Variants in ZNF385D observed in about 807,000 individuals in gnomAD.
The protein encoded by ZNF385D is zinc finger protein 659.
Under a neutral mutation model 35.8 loss-of-function variants are expected in ZNF385D, and 15 were observed. The ratio of observed to expected loss-of-function variants is 0.42; its 90% confidence interval spans 0.28 to 0.64. The LOEUF is 0.64. ZNF385D is among the 30% of genes least tolerant of loss of function. The pLI is 0.23. For synonymous variants in ZNF385D, 212 were observed against 186.8 expected, an observed-to-expected ratio of 1.13 and a Z score of -1.10; for missense variants, 474 against 494.6, an observed-to-expected ratio of 0.96 and a Z score of 0.39.
At chr3:21,484,342 G>A (rs1704866094) in intron 4 of ZNF385D, among the ~76,000 whole-genome samples, 1 of 152,118 alleles carries the variant, frequency 6.6e-6, no homozygotes, top group Non-Finnish European at 1.5e-5. Flanking sequence ...ACTGCTTTAG[G>A]GGTGTGTTGA....
At chr3:21,596,228 G>GAGTC (rs746554103) in intron 2 of ZNF385D, among the ~76,000 whole-genome samples, 2 of 152,154 alleles carry the variant, frequency 1.3e-5, no homozygotes, top group Non-Finnish European at 2.9e-5. Flanking sequence ...GGATTAATTT[G>GAGTC]AGTCAGAAGC....
At chr3:21,971,168 A>C (rs1215870185) in intron 3 of ZNF385D, among the ~76,000 whole-genome samples, 1 of 152,098 alleles carries the variant, frequency 6.6e-6, no homozygotes, top group African/African-American at 2.4e-5. Flanking sequence ...AAAAAACACA[A>C]TATTATAACA....
intron 2 of ZNF385D, among the ~76,000 whole-genome samples, chr3:22,174,389 T>C (rs1251180783): frequency 6.6e-6 from 1 of 152,176 alleles, no homozygotes; most frequent in Non-Finnish European, 1.5e-5. Context: ...CAATGAAACG[T>C]CTGTAGATGA....
intron 3 of ZNF385D, among the ~76,000 whole-genome samples, chr3:22,098,797 G>T (rs1701769707): frequency 1.3e-5 from 2 of 151,810 alleles, no homozygotes; most frequent in African/African-American, 2.4e-5. Context: ...AATAAATAAA[G>T]ATGAAAATAA....
intron 3 of ZNF385D, among the ~76,000 whole-genome samples, chr3:21,850,931 A>G (rs943036476): frequency 3.3e-5 from 5 of 152,056 alleles, no homozygotes; most frequent in Non-Finnish European, 5.9e-5. Context: ...TTCCAGAAAA[A>G]CCATTATGTA....
chr3:22,249,733 C>T (rs577366320), intron 2 of ZNF385D, among the ~76,000 whole-genome samples: 2 of 152,286 alleles, frequency 1.3e-5, no homozygotes, highest in African/African-American at 2.4e-5. Flanking sequence ...TGTGCAAATG[C>T]ACATCATTTG....
chr3:21,452,215 G>A (rs1222195332), intron 4 of ZNF385D, among the ~76,000 whole-genome samples: 1 of 151,940 alleles, frequency 6.6e-6, no homozygotes, highest in Admixed American at 6.6e-5. Context: ...CAAACTAACT[G>A]TAATCATTTA....
intron 2 of ZNF385D, among the ~76,000 whole-genome samples, chr3:22,333,491 G>A (rs1312373953): frequency 6.6e-6 from 1 of 151,592 alleles, no homozygotes; most frequent in Non-Finnish European, 1.5e-5. Context: ...CTGTTATTTG[G>A]ATCGTATAAT....
chr3:21,894,295 T>G (rs1378728277), intron 3 of ZNF385D, among the ~76,000 whole-genome samples: 1 of 152,164 alleles, frequency 6.6e-6, no homozygotes, highest in Non-Finnish European at 1.5e-5. Flanking sequence ...AACTAGTATG[T>G]TATACTTAGT....
chr3:22,155,619 A>G (rs562896421), intron 3 of ZNF385D, among the ~76,000 whole-genome samples: 1 of 152,116 alleles, frequency 6.6e-6, no homozygotes, highest in Non-Finnish European at 1.5e-5. Context: ...TTATTCTGAC[A>G]CTTTCCTGAT....
chr3:21,964,423 AAAAAAAAAAG>A (rs1317232178), intron 3 of ZNF385D, among the ~76,000 whole-genome samples: 2 of 99,678 alleles, frequency 2.0e-5, no homozygotes, highest in Admixed American at 8.4e-5. Flanking sequence ...AAAAAAAAAA[AAAAAAAAAAG>A]AAAAAAAAAA....
At chr3:21,932,952 C>G (rs754757275) in intron 3 of ZNF385D, among the ~76,000 whole-genome samples, 1 of 152,068 alleles carries the variant, frequency 6.6e-6, no homozygotes, top group Admixed American at 6.6e-5. Flanking sequence ...GATAGGAGAT[C>G]GCAAAGCTAG....
At chr3:21,953,274 T>TC (rs1186921719) in intron 3 of ZNF385D, among the ~76,000 whole-genome samples, 1 of 151,734 alleles carries the variant, frequency 6.6e-6, no homozygotes, top group South Asian at 2.1e-4. Flanking sequence ...TTTTTTTTTT[T>TC]CCTCTAAAAA....
At chr3:21,607,876 C>T (rs1307753385) in intron 2 of ZNF385D, among the ~76,000 whole-genome samples, 1 of 152,110 alleles carries the variant, frequency 6.6e-6, no homozygotes, top group Non-Finnish European at 1.5e-5. Flanking sequence ...TTTTAAGATG[C>T]TTAATTATCT....
intron 3 of ZNF385D, among the ~76,000 whole-genome samples, chr3:22,166,782 T>C (rs928693073): frequency 1.1e-4 from 17 of 152,252 alleles, no homozygotes; most frequent in African/African-American, 3.9e-4. Context: ...ATGTATCTTT[T>C]GTTCTAGTTT....
intron 3 of ZNF385D, among the ~76,000 whole-genome samples, chr3:22,104,569 T>C (rs1165989222): frequency 6.6e-6 from 1 of 152,126 alleles, no homozygotes; most frequent in Non-Finnish European, 1.5e-5. Context: ...TACTTCTTAG[T>C]GATTTTTCAA....
At chr3:22,007,831 T>C (rs542614733) in intron 3 of ZNF385D, among the ~76,000 whole-genome samples, 10 of 150,940 alleles carry the variant, frequency 6.6e-5, no homozygotes, top group Admixed American at 4.6e-4. Flanking sequence ...TTTTAATTTT[T>C]ATATAATTTA....
rs560361097 is a variant in ZNF385D at position 22,156,487 on chromosome 3, G to A, written c.325+12330C>T. Among the ~76,000 whole-genome samples the A allele has an allele frequency of 4.6e-5, 7 of 152,154 alleles. 1 individual carries two copies. The highest frequency in any genetic ancestry group is 1.3e-4 in the Admixed American group (2 of 15,262). ...AGCTAGGTTTAGAGAGAGAGAGAAC[G>A]CTACTTGCTTTCATGACTGGTAGAT... On this transcript the variant is annotated intron_variant, in intron 3 of 5. Transcript: ENST00000494108.
At chr3:22,241,265 G>A (rs1318460465) in intron 2 of ZNF385D, among the ~76,000 whole-genome samples, 1 of 151,180 alleles carries the variant, frequency 6.6e-6, no homozygotes, top group Non-Finnish European at 1.5e-5. Flanking sequence ...TGGTGAGGAA[G>A]GTGGCAAGAC....
Sources: allele counts gnomAD v4.1 joint callset (sites outside exome capture counted in the v4.1 genomes callset), GRCh38; gene constraint gnomAD v4.1.1; transcripts MANE v1.5; gene names NCBI Gene and HGNC (gene_info 2026-07-23, HGNC 2026-07-21).